NBAS: variants seen among roughly 807,000 people sequenced by gnomAD.
NBAS encodes NBAS subunit of NRZ tethering complex.
A neutral mutation model predicts 302.5 loss-of-function variants in NBAS; 219 were observed. The ratio of observed to expected loss-of-function variants is 0.72; its 90% CI spans 0.65 to 0.81. The LOEUF is 0.81. NBAS is among the 30% of genes least tolerant of loss of function. The pLI, the probability that NBAS is intolerant of heterozygous loss-of-function variation, is 0.00. For missense variants in NBAS, 2,932 were observed against 2,841.6 expected, an observed-to-expected ratio of 1.03 and a Z score of -0.72; for synonymous variants, 1,118 against 1,021.6, an observed-to-expected ratio of 1.09 and a Z score of -1.80.
chr2:15,066,937 A>G, the NBAS span, among the ~76,000 whole-genome samples: 1 of 152,208 alleles, frequency 6.6e-6, no homozygotes, highest in Non-Finnish European at 1.5e-5. Context: ...ACAATAGCCA[A>G]GATAAGGAAT....
At chr2:15,253,224 G>A (rs1668440950) in intron 44 of NBAS, among the ~76,000 whole-genome samples, 1 of 152,154 alleles carries the variant, frequency 6.6e-6, no homozygotes, top group Non-Finnish European at 1.5e-5. Context: ...GTAGGGGAGT[G>A]GGTGCAGAGC....
chr2:15,457,208 A>G (rs773716860), intron 21 of NBAS, among the ~76,000 whole-genome samples: 4 of 152,200 alleles, frequency 2.6e-5, no homozygotes, highest in Non-Finnish European at 5.9e-5. Context: ...CTGGGGAGCC[A>G]TACACTTAAG....
At chr2:15,534,719 A>G in intron 8 of NBAS, 78 bp from the exon 9 acceptor site, 2 of 1,082,118 alleles carry the variant, frequency 1.8e-6, no homozygotes, top group South Asian at 1.2e-5. Flanking sequence ...TAAAATGTTT[A>G]GAATTTAAAA....
chr2:15,447,510 G>A (rs1245524983), intron 21 of NBAS, among the ~76,000 whole-genome samples: 3 of 152,092 alleles, frequency 2.0e-5, no homozygotes, highest in Admixed American at 6.6e-5. Context: ...GCTAGAAGAC[G>A]GTAAAAGGAG....
At chr2:15,034,236 G>GAAAGAAAGAAAGAA in the NBAS span, among the ~76,000 whole-genome samples, 3 of 41,126 alleles carry the variant, frequency 7.3e-5, no homozygotes, top group African/African-American at 1.1e-4. Context: ...AAGAAAGAAG[G>GAAAGAAAGAAAGAA]AAAGAAAGAA....
chr2:15,408,930 GGGA>G (rs1676552027), intron 25 of NBAS, among the ~76,000 whole-genome samples: 1 of 152,172 alleles, frequency 6.6e-6, no homozygotes, highest in Non-Finnish European at 1.5e-5. Context: ...CTAGTGCTTT[GGGA>G]GGCTGAGCTG....
chr2:15,443,029 A>T (rs952971105), intron 21 of NBAS, among the ~76,000 whole-genome samples: 1 of 151,582 alleles, frequency 6.6e-6, no homozygotes, highest in African/African-American at 2.4e-5. Flanking sequence ...CCAACCAAAA[A>T]GAGTCCAGGA....
the NBAS span, among the ~76,000 whole-genome samples, chr2:15,044,364 G>A: frequency 1.4e-3 from 211 of 152,240 alleles, 3 homozygotes; most frequent in African/African-American, 4.9e-3. Flanking sequence ...GAAACCCCCC[G>A]GTCCAATTAT....
the NBAS span, among the ~76,000 whole-genome samples, chr2:15,067,542 G>A: frequency 6.6e-6 from 1 of 151,718 alleles, no homozygotes; most frequent in Non-Finnish European, 1.5e-5. Context: ...ACATGGATGA[G>A]CCTGAAGGAC....
chr2:15,414,219 CAT>C (rs995646538), intron 25 of NBAS, among the ~76,000 whole-genome samples: 2 of 152,186 alleles, frequency 1.3e-5, no homozygotes, highest in Non-Finnish European at 2.9e-5. Flanking sequence ...GAAACCAAAA[CAT>C]AGATTAGCTA....
chr2:15,527,527 G>C (rs1662967978), intron 9 of NBAS, among the ~76,000 whole-genome samples: 2 of 152,148 alleles, frequency 1.3e-5, no homozygotes, highest in African/African-American at 4.8e-5. Flanking sequence ...CTGCCAGAGG[G>C]GAGGAACACT....
At chr2:15,252,606 C>G (rs937552180) in intron 44 of NBAS, among the ~76,000 whole-genome samples, 1 of 151,936 alleles carries the variant, frequency 6.6e-6, no homozygotes, top group East Asian at 1.9e-4. Flanking sequence ...TAAGAAAAAT[C>G]CAGGTGCTAC....
At chr2:15,080,674 A>AGG in the NBAS span, among the ~76,000 whole-genome samples, 5 of 152,200 alleles carry the variant, frequency 3.3e-5, no homozygotes, top group African/African-American at 4.8e-5. Context: ...TTAGTTCAGA[A>AGG]GACCCGACAG....
At chr2:14,942,886 C>G in the NBAS span, among the ~76,000 whole-genome samples, 1 of 152,152 alleles carries the variant, frequency 6.6e-6, no homozygotes, top group African/African-American at 2.4e-5. Context: ...CTTTGGACTC[C>G]AAGCCCCATA....
At chr2:14,966,946 A>T in the NBAS span, among the ~76,000 whole-genome samples, 1 of 152,254 alleles carries the variant, frequency 6.6e-6, no homozygotes, top group South Asian at 2.1e-4. Context: ...GAGTTTAGCA[A>T]GGTTTTGGTA....
At chr2:15,392,579 G>C (rs1485629294) in intron 28 of NBAS, among the ~76,000 whole-genome samples, 1 of 151,804 alleles carries the variant, frequency 6.6e-6, no homozygotes, top group Non-Finnish European at 1.5e-5. Flanking sequence ...ATAAATGCAA[G>C]AATAGTACAC....
the NBAS span, among the ~76,000 whole-genome samples, chr2:15,093,076 A>G: frequency 6.6e-6 from 1 of 152,198 alleles, no homozygotes; most frequent in African/African-American, 2.4e-5. Context: ...GCACCTCTGC[A>G]ATCTCAATGA....
At chr2:15,379,495 C>A in intron 30 of NBAS, 107 bp downstream of exon 30, 2 of 1,131,668 alleles carry the variant, frequency 1.8e-6, no homozygotes, top group Admixed American at 2.0e-5. Context: ...ATAGTGTAGT[C>A]AATCTGTACC....
At chr2:15,068,725 A>C in the NBAS span, among the ~76,000 whole-genome samples, 1 of 152,236 alleles carries the variant, frequency 6.6e-6, no homozygotes, top group Non-Finnish European at 1.5e-5. Flanking sequence ...AGCACCATCC[A>C]AAAACCACAC....
Sources: gnomAD v4.1 joint callset for allele counts (sites outside exome capture counted in the v4.1 genomes callset) on GRCh38, gnomAD v4.1.1 for gene constraint, MANE v1.5 for transcripts, NCBI Gene and HGNC (gene_info 2026-07-23, HGNC 2026-07-21) for gene names.